The following DIP2C variants were observed in gnomAD, a reference collection of about 807,000 sequenced individuals.
DIP2C encodes disco-interacting protein 2 homolog C.
Under a neutral mutation model 192.4 loss-of-function variants are expected in DIP2C, and 33 were observed. The observed-to-expected ratio is 0.17, with a 90% CI of 0.13 to 0.23. The LOEUF is 0.23. DIP2C is among the 10% of genes least tolerant of loss of function. The pLI is 1.00. For missense variants in DIP2C, 1,537 were observed against 2,110.1 expected, an observed-to-expected ratio of 0.73 and a Z score of 5.32; for synonymous variants, 979 against 864.1, an observed-to-expected ratio of 1.13 and a Z score of -2.33.
At chr10:492,603 TCAAA>T (rs1225314226) in intron 1 of DIP2C, among the ~76,000 whole-genome samples, 2 of 152,210 alleles carry the variant, frequency 1.3e-5, no homozygotes, top group Admixed American at 6.5e-5. Context: ...AGACCCTGTC[TCAAA>T]CAACACACAC....
intron 29 of DIP2C, among the ~76,000 whole-genome samples, chr10:338,677 T>C (rs1247456787): frequency 1.3e-5 from 2 of 152,172 alleles, no homozygotes; most frequent in East Asian, 1.9e-4. Context: ...CTGGCCGCAC[T>C]GATTTCTAAT....
intron 1 of DIP2C, among the ~76,000 whole-genome samples, chr10:618,189 C>T (rs1397038107): frequency 6.6e-6 from 1 of 152,234 alleles, no homozygotes; most frequent in Non-Finnish European, 1.5e-5. Context: ...TGTAAAGCCT[C>T]ATGCATTTTT....
intron 31 of DIP2C, among the ~76,000 whole-genome samples, chr10:326,124 G>A (rs1346259927): frequency 6.6e-6 from 1 of 152,138 alleles, no homozygotes; most frequent in East Asian, 1.9e-4. Flanking sequence ...GGGGCAGGGG[G>A]TTGAGGCTGC....
chr10:388,393 C>T (rs913399247), intron 13 of DIP2C, among the ~76,000 whole-genome samples: 1 of 152,192 alleles, frequency 6.6e-6, no homozygotes, highest in African/African-American at 2.4e-5. Flanking sequence ...CCTGAACAGA[C>T]CTAGCTTTCT....
chr10:603,320 A>AAAAAAAAAAAAAAAAACC (rs1852223541), intron 1 of DIP2C, among the ~76,000 whole-genome samples: 1 of 139,226 alleles, frequency 7.2e-6, no homozygotes, highest in African/African-American at 3.0e-5. Context: ...AAAAAAAAAA[A>AAAAAAAAAAAAAAAAACC]AAAAAAAAAA....
At chr10:351,908 A>G (rs866729135) in intron 24 of DIP2C, among the ~76,000 whole-genome samples, 4 of 152,298 alleles carry the variant, frequency 2.6e-5, no homozygotes, top group Middle Eastern at 6.8e-3. Flanking sequence ...GACCCATTCA[A>G]GTCCACCCCG....
intron 1 of DIP2C, among the ~76,000 whole-genome samples, chr10:618,497 G>A (rs1027643575): frequency 2.0e-5 from 3 of 152,200 alleles, no homozygotes; most frequent in South Asian, 2.1e-4. Context: ...CTCAAGGCAC[G>A]AGCAGGCGCC....
chr10:401,783 G>A (rs1171187726), intron 9 of DIP2C, among the ~76,000 whole-genome samples: 1 of 150,354 alleles, frequency 6.7e-6, no homozygotes, highest in African/African-American at 2.5e-5. Context: ...CTTCCTTATG[G>A]ACAAGTTTGG....
At chr10:319,824 T>G (rs1033255777) in intron 31 of DIP2C, among the ~76,000 whole-genome samples, 1 of 152,120 alleles carries the variant, frequency 6.6e-6, no homozygotes, top group Non-Finnish European at 1.5e-5. Context: ...TGTTTTTACC[T>G]CCTAGCTTTG....
At chr10:512,476 G>C (rs535535082) in intron 1 of DIP2C, among the ~76,000 whole-genome samples, 1 of 152,230 alleles carries the variant, frequency 6.6e-6, no homozygotes, top group African/African-American at 2.4e-5. Context: ...TCAGGGTGCT[G>C]AGGTGGGAGG....
In DIP2C at chr10:586,718, A is replaced by AC. The variant is rs532897454; in HGVS notation, c.86-100189dup. ...CAATGACCACAATGAAAATGTTTTT[A>AC]CCTCCCTTTAGGTGACATCTGCAAG... On this transcript the variant is annotated intron_variant, in intron 1 of 36. Coordinates refer to ENST00000280886, the MANE Select transcript of DIP2C (RefSeq NM_014974.3). Among the ~76,000 whole-genome samples, 72 of 152,182 alleles carry AC rather than the reference A, an allele frequency of 4.7e-4. No individual in the cohort carries two copies. In the South Asian group the frequency reaches 5.4e-3, roughly 11 times the overall value.
intron 3 of DIP2C, among the ~76,000 whole-genome samples, chr10:451,415 G>A (rs1968838052): frequency 6.6e-6 from 1 of 152,120 alleles, no homozygotes; most frequent in African/African-American, 2.4e-5. Flanking sequence ...GTCTCTCGCA[G>A]TAAAAACAAA....
chr10:617,868 G>C (rs1053926853), intron 1 of DIP2C, among the ~76,000 whole-genome samples: 2 of 152,106 alleles, frequency 1.3e-5, no homozygotes, highest in African/African-American at 4.8e-5. Context: ...TGCCCTCCAA[G>C]GGCACTCATC....
chr10:380,192 CGTGCAGAAGAGGCTCTCCCTGG>C (rs1962222373), intron 17 of DIP2C, among the ~76,000 whole-genome samples: 2 of 150,030 alleles, frequency 1.3e-5, no homozygotes, highest in Middle Eastern at 3.3e-3. Flanking sequence ...AAATGGTTAA[CGTGCAGAAGAGGCTCTCCCTGG>C]ATGATGGTTA....
chr10:607,559 T>C (rs1455769961), intron 1 of DIP2C, among the ~76,000 whole-genome samples: 1 of 152,234 alleles, frequency 6.6e-6, no homozygotes, highest in East Asian at 1.9e-4. Context: ...ACTGTTCTGA[T>C]AAACCCAGCA....
intron 1 of DIP2C, among the ~76,000 whole-genome samples, chr10:622,661 C>T (rs1413352288): frequency 1.3e-5 from 2 of 152,186 alleles, no homozygotes; most frequent in Non-Finnish European, 2.9e-5. Flanking sequence ...GTCCATTTGA[C>T]TAAATACCCG....
At chr10:460,052 C>T (rs1289204925) in intron 3 of DIP2C, among the ~76,000 whole-genome samples, 2 of 150,526 alleles carry the variant, frequency 1.3e-5, no homozygotes, top group African/African-American at 4.9e-5. Flanking sequence ...CACATGAGCT[C>T]TAGTATCTTC....
At position 573,812 on chromosome 10, in the gene DIP2C, C is replaced by T. The variant is rs559300419; in HGVS notation, c.86-87282G>A. Among the ~76,000 whole-genome samples, 7 of 152,052 alleles carry T rather than the reference C, an allele frequency of 4.6e-5. No individual in the cohort carries two copies. In the South Asian group the frequency reaches 1.0e-3, roughly 23 times the overall value. On this transcript the variant is annotated intron_variant, in intron 1 of 36. Coordinates refer to ENST00000280886, the MANE Select transcript of DIP2C (RefSeq NM_014974.3). ...GTGTAAGAGAAAGAAACCATTAACA[C>T]GTTTTACACATCTCAAAACTCACAA... is the stretch of plus-strand genomic sequence containing the variant.
intron 1 of DIP2C, among the ~76,000 whole-genome samples, chr10:587,651 C>T (rs1369090629): frequency 7.3e-6 from 1 of 137,548 alleles, no homozygotes; most frequent in Non-Finnish European, 1.6e-5. Context: ...TCCACACCAG[C>T]CACTGCCTCA....
Sources: gnomAD v4.1 joint callset for allele counts (sites outside exome capture counted in the v4.1 genomes callset) on GRCh38, gnomAD v4.1.1 for gene constraint, MANE v1.5 for transcripts, NCBI Gene and HGNC (gene_info 2026-07-23, HGNC 2026-07-21) for gene names.